GJB4: variants seen among roughly 807,000 people sequenced by gnomAD.
The protein encoded by GJB4 is gap junction protein beta 4, also known as gap junction beta-4 protein.
For synonymous variants in GJB4, 162 were observed against 158.1 expected (o/e 1.02, Z -0.18); for missense variants, 371 against 363.8 (o/e 1.02, Z -0.16).
chr1:34,761,894 A>T lies in GJB4; in HGVS notation c.640A>T (p.Met214Leu). The T allele has an allele frequency of 1.2e-6, 2 of 1,614,172 alleles. No individual in the cohort carries two copies. The highest frequency in any genetic ancestry group is 8.5e-7 in the Non-Finnish European group (1 of 1,180,032). The change falls in exon 2 of 2, where the codon ATG becomes TTG. Residue 214 changes from methionine to leucine, a missense_variant. Met to Leu is a conservative substitution (Grantham distance 15). Transcript: ENST00000339480. This position sits in a 1 kb window ranked among gnomAD's most constrained non-coding sequence, Gnocchi z 4.4. ...EVFYLVGKRCMEIFGPRHRRP... is the reference protein window; with the variant it reads ...EVFYLVGKRCLEIFGPRHRRP... ...CTTCTACCTGGTGGGCAAGAGGTGC[A>T]TGGAGATCTTCGGCCCCAGGCACCG...
chr1:34,761,072 C>T lies in GJB4; in HGVS notation c.-183C>T, dbSNP rs1639700454. 1 of 666,236 alleles carries T rather than the reference C, an allele frequency of 1.5e-6. No individual in the cohort carries two copies. The highest frequency in any genetic ancestry group is 1.8e-5 in the African/African-American group (1 of 56,602). 41.3% of individuals were successfully genotyped at this position (666,236 alleles called of 1,614,324 possible). Reference sequence around the variant, plus strand: ...AATGAGGACAGGGGCAATCCCTACCCTACCAAGTCATTGGGAGTGAAGACA... The same window carrying T: ...AATGAGGACAGGGGCAATCCCTACCTTACCAAGTCATTGGGAGTGAAGACA... On this transcript the variant is annotated 5_prime_UTR_variant, in exon 2 of 2. Coordinates refer to ENST00000339480, the MANE Select transcript of GJB4 (RefSeq NM_153212.3). The surrounding 1 kb of genome is among the most constrained non-coding windows in gnomAD (Gnocchi z 4.4).
rs776245625 is a variant in GJB4 at position 34,761,318 on chromosome 1, C to T, written c.64C>T (p.Arg22Cys). 44 of 1,613,926 alleles carry T rather than the reference C, an allele frequency of 2.7e-5. No individual in the cohort carries two copies. Among genetic ancestry groups the T allele is most frequent in the East Asian group, 2.5e-4 (11 of 44,892 alleles). The change falls in exon 2 of 2, where the codon CGC (arginine) becomes TGC (cysteine). Residue 22 changes from arginine to cysteine, a missense_variant. Coordinates refer to ENST00000339480, the MANE Select transcript of GJB4 (RefSeq NM_153212.3). This position sits in a 1 kb window ranked among gnomAD's most constrained non-coding sequence, Gnocchi z 4.4. ...GVNKYSTVLSRIWLSVVFIFR... is the reference protein window; with the variant it reads ...GVNKYSTVLSCIWLSVVFIFR... The stretch of plus-strand genomic sequence containing the variant: ...GAACAAGTACTCCACAGTGCTGAGC[C>T]GCATCTGGCTGTCTGTGGTGTTCAT...
At position 34,761,326 on chromosome 1, in the gene GJB4, G is replaced by T. The variant is rs756484412; in HGVS notation, c.72G>T (p.Trp24Cys). ...NKYSTVLSRI[W>C]LSVVFIFRVL... ...ACTCCACAGTGCTGAGCCGCATCTG[G>T]CTGTCTGTGGTGTTCATCTTTCGTG... The change falls in exon 2 of 2, where the codon TGG becomes TGT. Residue 24 changes from tryptophan (W) to cysteine (C), a missense_variant. Physicochemically the swap from Trp to Cys is radical, Grantham distance 215. Transcript: ENST00000339480. The surrounding 1 kb of genome is among the most constrained non-coding windows in gnomAD (Gnocchi z 4.4). The T allele has an allele frequency of 6.2e-7, 1 of 1,613,954 alleles. No individual in the cohort carries two copies. The highest frequency in any genetic ancestry group is 8.5e-7 in the Non-Finnish European group (1 of 1,179,902).
rs1639700752 is a variant in GJB4, at chr1:34,761,080, T to C, written c.-175T>C. 1 of 675,680 alleles carries C rather than the reference T, an allele frequency of 1.5e-6. No homozygotes were observed. The highest frequency in any genetic ancestry group is 2.1e-5 in the Admixed American group (1 of 47,838). The allele number at this position is 675,680 out of a possible 1,614,324, so 41.9% of individuals were successfully genotyped here. The stretch of plus-strand genomic sequence containing the variant: ...CAGGGGCAATCCCTACCCTACCAAG[T>C]CATTGGGAGTGAAGACATGATGACA... On this transcript the variant is annotated 5_prime_UTR_variant, in exon 2 of 2. Transcript: ENST00000339480. This position sits in a 1 kb window ranked among gnomAD's most constrained non-coding sequence, Gnocchi z 4.4.
rs200060483 is a variant in GJB4, at chr1:34,761,452, C to T, written c.198C>T (p.Asp66=). Residue 66 remains aspartate, a synonymous_variant, in exon 2 of 2, where the codon GAC becomes GAT. Coordinates refer to ENST00000339480, the MANE Select transcript of GJB4 (RefSeq NM_153212.3). This position sits in a 1 kb window ranked among gnomAD's most constrained non-coding sequence, Gnocchi z 4.4. The part of the protein sequence containing the change: ...KQPGCPNVCY[D]EFFPVSHVRL... ...CCGGCTGCCCCAACGTCTGCTATGA[C>T]GAGTTCTTCCCCGTGTCCCACGTGC... is the stretch of plus-strand genomic sequence containing the variant. 35 of 1,614,144 alleles carry T rather than the reference C, an allele frequency of 2.2e-5. No individual in the cohort carries two copies. Among genetic ancestry groups the T allele is most frequent in the Admixed American group, 1.7e-4 (10 of 60,026 alleles).
At chr1:34,760,806 G>A (rs1434292083) in intron 1 of GJB4, 127 bp from the exon 2 acceptor site, 2 of 254,680 alleles carry the variant, frequency 7.9e-6, no homozygotes, top group Non-Finnish European at 1.5e-5. Flanking sequence ...TGATGGGAGA[G>A]CAGATCGTCC....
chr1:34,760,472 G>T (rs1227912494), intron 1 of GJB4, among the ~76,000 whole-genome samples: 1 of 152,196 alleles, frequency 6.6e-6, no homozygotes, highest in Non-Finnish European at 1.5e-5. Context: ...TGGAATGGTT[G>T]GAATTCCAGA....
Position 34,761,750 on chromosome 1 carries a change from G to A in GJB4, c.496G>A (p.Val166Met), listed in dbSNP as rs141637346. The A allele has an allele frequency of 2.4e-5, 38 of 1,613,932 alleles. No individual in the cohort carries two copies. Among genetic ancestry groups the A allele is most frequent in the East Asian group, 1.1e-4 (5 of 44,884 alleles). The change falls in exon 2 of 2, where the codon GTG becomes ATG. Residue 166 changes from valine to methionine, a missense_variant. Transcript: ENST00000339480. This position sits in a 1 kb window ranked among gnomAD's most constrained non-coding sequence, Gnocchi z 4.4. ...CATGCCCCGCGTGGTGGCCTGCTCC[G>A]TGGAGCCTTGCCCCCACACTGTGGA... is the stretch of plus-strand genomic sequence containing the variant. ...YDMPRVVACS[V>M]EPCPHTVDCY...
At chr1:34,760,124 A>T (rs1639683809) in intron 1 of GJB4, among the ~76,000 whole-genome samples, 2 of 152,214 alleles carry the variant, frequency 1.3e-5, no homozygotes, top group Admixed American at 1.3e-4. Flanking sequence ...GCCTGGCAAA[A>T]AAATAAGACA....
In GJB4 at chr1:34,761,874, A is replaced by G; in HGVS notation, c.620A>G (p.Tyr207Cys). The change falls in exon 2 of 2, where the codon TAC becomes TGC. Residue 207 changes from tyrosine to cysteine, a missense_variant. By Grantham distance (194) the Tyr-to-Cys change is radical (BLOSUM62 -2). Transcript: ENST00000339480. The surrounding 1 kb of genome is among the most constrained non-coding windows in gnomAD (Gnocchi z 4.4). ...CILLNLSEVF[Y>C]LVGKRCMEIF... Reference sequence around the variant, plus strand: ...CTGCTCAACCTCAGTGAAGTCTTCTACCTGGTGGGCAAGAGGTGCATGGAG... The same window carrying G: ...CTGCTCAACCTCAGTGAAGTCTTCTGCCTGGTGGGCAAGAGGTGCATGGAG... 2 of 1,614,190 alleles carry G rather than the reference A, an allele frequency of 1.2e-6. No homozygotes were observed. The highest frequency in any genetic ancestry group is 1.7e-6 in the Non-Finnish European group (2 of 1,180,030).
intron 1 of GJB4, among the ~76,000 whole-genome samples, chr1:34,760,495 G>A (rs1015678409): frequency 2.6e-5 from 4 of 152,198 alleles, no homozygotes; most frequent in Admixed American, 1.3e-4. Context: ...AACCCACTGT[G>A]GTCAAGACAG....
At position 34,761,887 on chromosome 1, in the gene GJB4, G is replaced by C. The variant is rs745548746; in HGVS notation, c.633G>C (p.Lys211Asn). 2 of 1,614,214 alleles carry C rather than the reference G, an allele frequency of 1.2e-6. No individual in the cohort carries two copies. The highest frequency in any genetic ancestry group is 3.3e-5 in the Admixed American group (2 of 60,028). Residue 211 changes from lysine (K) to asparagine (N), a missense_variant, in exon 2 of 2, where the codon AAG becomes AAC. Physicochemically the swap from Lys to Asn is moderately conservative, Grantham distance 94. Transcript: ENST00000339480. This position sits in a 1 kb window ranked among gnomAD's most constrained non-coding sequence, Gnocchi z 4.4. ...NLSEVFYLVGKRCMEIFGPRH... is the reference protein window; with the variant it reads ...NLSEVFYLVGNRCMEIFGPRH... ...GTGAAGTCTTCTACCTGGTGGGCAA[G>C]AGGTGCATGGAGATCTTCGGCCCCA...
Position 34,761,215 on chromosome 1 carries a change from G to T in GJB4, c.-40G>T. The T allele has an allele frequency of 6.2e-7, 1 of 1,609,498 alleles. No homozygotes were observed. Among genetic ancestry groups the T allele is most frequent in the Admixed American group, 1.7e-5 (1 of 59,786 alleles). On this transcript the variant is annotated 5_prime_UTR_variant, in exon 2 of 2. Transcript: ENST00000339480. The surrounding 1 kb of genome is among the most constrained non-coding windows in gnomAD (Gnocchi z 4.4). ...GCCTGAGTGGGCAGGTAGCACCCAG[G>T]TATAGACCTTCCACGTGCAGCACCC...
rs1293667977 is a variant in GJB4 at position 34,762,270 on chromosome 1, A to AT, written c.*219dup. On this transcript the variant is annotated 3_prime_UTR_variant, in exon 2 of 2. Coordinates refer to ENST00000339480, the MANE Select transcript of GJB4 (RefSeq NM_153212.3). ...GGAGGGAGGTTGATAGCTACTGGGG[A>AT]TTTTGTATATGGCAACAGTATATGT... 3.2e-6 allele frequency: 2 copies of AT among 626,308 alleles called. No individual in the cohort carries two copies. Among genetic ancestry groups the AT allele is most frequent in the Admixed American group, 2.7e-5 (1 of 36,384 alleles). 38.8% of individuals were successfully genotyped at this position (626,308 alleles called of 1,614,324 possible).
Position 34,760,576 on chromosome 1 carries a change from A to G in GJB4, c.-322-357A>G, listed in dbSNP as rs190167815. 3.3e-5 allele frequency among the ~76,000 whole-genome samples: 5 copies of G among 152,038 alleles called. No homozygotes were observed. The South Asian group carries it at 1.0e-3, about 31-fold the overall frequency. On this transcript the variant is annotated intron_variant, in intron 1 of 1. Transcript: ENST00000339480. ...TATCAAGTCCCCGTGATTCCAAAGC[A>G]CCTCTGTTTAGTTTGGGAGGGAATG...
At position 34,761,992 on chromosome 1, in the gene GJB4, G is replaced by A. The variant is rs1179583017; in HGVS notation, c.738G>A (p.Glu246=). The change falls in exon 2 of 2, where the codon GAG becomes GAA. Residue 246 remains glutamate (E), a synonymous_variant. Coordinates refer to ENST00000339480, the MANE Select transcript of GJB4 (RefSeq NM_153212.3). This position sits in a 1 kb window ranked among gnomAD's most constrained non-coding sequence, Gnocchi z 4.4. The part of the protein sequence containing the change: ...PYVLSQGGHP[E]DGNSVLMKAG... ...TCCTCTCCCAGGGAGGGCACCCTGAGGATGGGAACTCTGTCCTAATGAAGG... is the reference window on the plus strand; with the variant it reads ...TCCTCTCCCAGGGAGGGCACCCTGAAGATGGGAACTCTGTCCTAATGAAGG... 1 of 1,614,196 alleles carries A rather than the reference G, an allele frequency of 6.2e-7. No homozygotes were observed. The highest frequency in any genetic ancestry group is 8.5e-7 in the Non-Finnish European group (1 of 1,180,012).
Position 34,761,707 on chromosome 1 carries a change from C to T in GJB4, c.453C>T (p.Arg151=). 3 of 1,614,206 alleles carry T rather than the reference C, an allele frequency of 1.9e-6. No individual in the cohort carries two copies. Among genetic ancestry groups the T allele is most frequent in the Non-Finnish European group, 2.5e-6 (3 of 1,180,036 alleles). The change falls in exon 2 of 2, where the codon CGC becomes CGT. Residue 151 remains arginine (R), a synonymous_variant. Coordinates refer to ENST00000339480, the MANE Select transcript of GJB4 (RefSeq NM_153212.3). This position sits in a 1 kb window ranked among gnomAD's most constrained non-coding sequence, Gnocchi z 4.4. ...CTGGCTTCCTCTATATCTTCCACCG[C>T]CTCTACAAGGATTATGACATGCCCC... ...VDAGFLYIFH[R]LYKDYDMPRV...
In GJB4 at chr1:34,761,573, C is replaced by T; in HGVS notation, c.319C>T (p.Leu107=). Residue 107 remains leucine, a synonymous_variant, in exon 2 of 2, where the codon CTG becomes TTG. Transcript: ENST00000339480. The surrounding 1 kb of genome is among the most constrained non-coding windows in gnomAD (Gnocchi z 4.4). ...CGAGGAACGCGAGCGCAAGCACCAC[C>T]TGAAACACGGGCCCAATGCCCCGTC... The part of the protein sequence containing the change: ...YREERERKHH[L]KHGPNAPSLY... 1 of 1,614,246 alleles carries T rather than the reference C, an allele frequency of 6.2e-7. No individual in the cohort carries two copies. The highest frequency in any genetic ancestry group is 8.5e-7 in the Non-Finnish European group (1 of 1,180,052).
At position 34,762,119 on chromosome 1, in the gene GJB4, C is replaced by A; in HGVS notation, c.*64C>A. 1 of 1,468,046 alleles carries A rather than the reference C, an allele frequency of 6.8e-7. No individual in the cohort carries two copies. The highest frequency in any genetic ancestry group is 1.4e-5 in the African/African-American group (1 of 71,456). The allele number at this position is 1,468,046 out of a possible 1,614,324, so 90.9% of individuals were successfully genotyped here. ...ACATGAGGCCACCCAGGAAAAAAGG[C>A]AGGGGCAGTGGCATCCTTGCCGTAG... is the stretch of plus-strand genomic sequence containing the variant. On this transcript the variant is annotated 3_prime_UTR_variant, in exon 2 of 2. Coordinates refer to ENST00000339480, the MANE Select transcript of GJB4 (RefSeq NM_153212.3).
Sources: allele counts gnomAD v4.1 joint callset (sites outside exome capture counted in the v4.1 genomes callset), GRCh38; gene constraint gnomAD v4.1.1; non-coding constraint Gnocchi (gnomAD v3.1); transcripts MANE v1.5; gene names NCBI Gene and HGNC (gene_info 2026-07-23, HGNC 2026-07-21).